Variants in PEX14 observed in about 807,000 individuals in gnomAD.
PEX14 encodes peroxisomal membrane protein PEX14.
Under a neutral mutation model 49.5 loss-of-function variants are expected in PEX14, and 15 were observed. The ratio of observed to expected loss-of-function variants is 0.30; its 90% CI spans 0.20 to 0.47. The LOEUF (loss-of-function observed/expected upper bound fraction) is 0.47. PEX14 is among the 20% of genes least tolerant of loss of function. The pLI, the probability that PEX14 is intolerant of heterozygous loss-of-function variation, is 1.00. For missense variants in PEX14, 398 were observed against 494.8 expected, an observed-to-expected ratio of 0.80 and a Z score of 1.86; for synonymous variants, 210 against 212.7, an observed-to-expected ratio of 0.99 and a Z score of 0.11.
intron 7 of PEX14, among the ~76,000 whole-genome samples, chr1:10,624,985 C>A (rs934050995): frequency 6.6e-6 from 1 of 152,182 alleles, no homozygotes; most frequent in African/African-American, 2.4e-5. Flanking sequence ...CCTCACTGCC[C>A]AAATGTGAAG....
intron 3 of PEX14, among the ~76,000 whole-genome samples, chr1:10,551,058 T>C (rs1639320227): frequency 6.6e-6 from 1 of 152,162 alleles, no homozygotes. Context: ...TGGACGCTTT[T>C]ATCAGGACAA....
chr1:10,504,373 A>G (rs1166178248), intron 2 of PEX14, among the ~76,000 whole-genome samples: 1 of 152,230 alleles, frequency 6.6e-6, no homozygotes, highest in East Asian at 1.9e-4. Flanking sequence ...ACTCCTTGAC[A>G]GTCAGAGGCA....
intron 2 of PEX14, among the ~76,000 whole-genome samples, chr1:10,503,298 A>G (rs904678542): frequency 2.0e-4 from 29 of 147,782 alleles, no homozygotes; most frequent in African/African-American, 7.2e-4. Context: ...AAAAAAAAAA[A>G]AAAAAAAAGA....
At chr1:10,477,135 ATC>A (rs2124362252) in intron 1 of PEX14, among the ~76,000 whole-genome samples, 1 of 150,872 alleles carries the variant, frequency 6.6e-6, no homozygotes, top group South Asian at 2.1e-4. Context: ...CAGTGGCGCG[ATC>A]TCTGCTCACT....
chr1:10,551,092 T>A (rs187797382), intron 3 of PEX14, among the ~76,000 whole-genome samples: 74 of 152,306 alleles, frequency 4.9e-4, no homozygotes, highest in African/African-American at 1.7e-3. Flanking sequence ...GGGTGACCTC[T>A]GCTCCTGTGG....
At chr1:10,622,928 CAG>C (rs2124639114) in intron 5 of PEX14, 89 bp from the exon 6 acceptor site, 2 of 871,874 alleles carry the variant, frequency 2.3e-6, no homozygotes, top group East Asian at 2.6e-5. Flanking sequence ...CCAGGGATGA[CAG>C]GGAGAAAGTT....
At chr1:10,534,190 G>A (rs1638731951) in intron 2 of PEX14, among the ~76,000 whole-genome samples, 1 of 152,192 alleles carries the variant, frequency 6.6e-6, no homozygotes, top group South Asian at 2.1e-4. Context: ...CGCATGATAC[G>A]AGTAGTGTAA....
intron 3 of PEX14, among the ~76,000 whole-genome samples, chr1:10,595,722 C>A (rs186593056): frequency 6.6e-6 from 1 of 152,214 alleles, no homozygotes; most frequent in East Asian, 1.9e-4. Flanking sequence ...GCCATTGCTC[C>A]GTCCCTCTGC....
At chr1:10,593,365 G>A (rs891284353) in intron 3 of PEX14, among the ~76,000 whole-genome samples, 3 of 152,030 alleles carry the variant, frequency 2.0e-5, no homozygotes, top group Non-Finnish European at 4.4e-5. Flanking sequence ...TTTCTAGAAG[G>A]ATACCGAGAG....
At chr1:10,593,027 A>T (rs1640716570) in intron 3 of PEX14, among the ~76,000 whole-genome samples, 1 of 152,196 alleles carries the variant, frequency 6.6e-6, no homozygotes. Context: ...CAAGCCTGCC[A>T]GTTTCCTCAG....
intron 3 of PEX14, chr1:10,536,528 G>A (rs1638809936): frequency 3.7e-6 from 2 of 537,214 alleles, no homozygotes; most frequent in East Asian, 6.6e-5. Flanking sequence ...ACTTAGTCCA[G>A]TCCATCATGG....
intron 4 of PEX14, among the ~76,000 whole-genome samples, chr1:10,604,003 A>C (rs1641058789): frequency 6.6e-6 from 1 of 152,344 alleles, no homozygotes; most frequent in South Asian, 2.1e-4. Flanking sequence ...GTAGTAACAC[A>C]AACTTATCTG....
Position 10,493,112 on chromosome 1 carries a change from G to A in PEX14, c.37-2162G>A, listed in dbSNP as rs558968521. Among the ~76,000 whole-genome samples, 8 of 152,344 alleles carry A rather than the reference G, an allele frequency of 5.3e-5. No individual in the cohort carries two copies. The South Asian group carries it at 1.7e-3, about 32-fold the overall frequency. ...CTGTCAGGGGGCAGAAGTGGGCAAT[G>A]TGGTGCCGCTTGAGACCTGAGGTGT... On this transcript the variant is annotated intron_variant, in intron 1 of 8. Transcript: ENST00000356607.
intron 3 of PEX14, among the ~76,000 whole-genome samples, chr1:10,577,564 T>G (rs866545377): frequency 4.0e-4 from 1 of 2,490 alleles, no homozygotes; most frequent in African/African-American, 1.3e-3. Context: ...ATATATATAT[T>G]TTTTTTTTTT....
At chr1:10,567,128 T>A (rs544859890) in intron 3 of PEX14, among the ~76,000 whole-genome samples, 1 of 152,342 alleles carries the variant, frequency 6.6e-6, no homozygotes, top group East Asian at 1.9e-4. Context: ...TTTCATCTAA[T>A]TTTCATGTAT....
intron 1 of PEX14, among the ~76,000 whole-genome samples, chr1:10,487,564 A>C (rs1157110833): frequency 5.2e-5 from 7 of 135,282 alleles, no homozygotes; most frequent in Non-Finnish European, 1.5e-5. Flanking sequence ...AGCTCACTGC[A>C]ACCTCTACCT....
chr1:10,487,862 C>CT (rs1641399434), intron 1 of PEX14, among the ~76,000 whole-genome samples: 2 of 151,948 alleles, frequency 1.3e-5, no homozygotes, highest in African/African-American at 4.8e-5. Context: ...CTTACTGCAA[C>CT]TTCTGCCTCC....
intron 2 of PEX14, chr1:10,535,876 C>T (rs1480715767): frequency 1.1e-5 from 4 of 372,274 alleles, no homozygotes; most frequent in Non-Finnish European, 2.1e-5. Flanking sequence ...ATACAGGGCA[C>T]AAGGGCGGCG....
At chr1:10,524,977 A>G (rs112111830) in intron 2 of PEX14, among the ~76,000 whole-genome samples, 8 of 152,326 alleles carry the variant, frequency 5.3e-5, no homozygotes, top group African/African-American at 1.9e-4. Flanking sequence ...GGCGTGGGCC[A>G]CCATGCCCGG....
Sources: allele counts gnomAD v4.1 joint callset (sites outside exome capture counted in the v4.1 genomes callset), GRCh38; gene constraint gnomAD v4.1.1; transcripts MANE v1.5; gene names NCBI Gene and HGNC (gene_info 2026-07-23, HGNC 2026-07-21).